FILIP1L: variants seen among roughly 807,000 people sequenced by gnomAD.
The protein encoded by FILIP1L is filamin A interacting protein 1 like.
FILIP1L carries 55 observed loss-of-function variants against 96.6 expected under a neutral mutation model. The observed-to-expected ratio is 0.57, with a 90% CI of 0.46 to 0.71. FILIP1L has a LOEUF of 0.71. FILIP1L is among the 30% of genes least tolerant of loss of function. The pLI, the probability that FILIP1L is intolerant of heterozygous loss-of-function variation, is 0.00. For missense variants in FILIP1L, 1,304 were observed against 1,321.2 expected, an observed-to-expected ratio of 0.99 and a Z score of 0.20; for synonymous variants, 467 against 473.9, an observed-to-expected ratio of 0.99 and a Z score of 0.19.
intron 1 of FILIP1L, among the ~76,000 whole-genome samples, chr3:100,077,619 T>G (rs1047623357): frequency 6.6e-6 from 1 of 152,006 alleles, no homozygotes; most frequent in Non-Finnish European, 1.5e-5. Context: ...TGAGATAAAT[T>G]CAGTAAAAAT....
intron 4 of FILIP1L, among the ~76,000 whole-genome samples, chr3:99,903,390 T>C (rs2107629691): frequency 6.6e-6 from 1 of 152,192 alleles, no homozygotes; most frequent in Non-Finnish European, 1.5e-5. Context: ...TAGCTGGGAT[T>C]ACAGGCGCCT....
chr3:99,917,448 T>C (rs1269067224), intron 4 of FILIP1L, among the ~76,000 whole-genome samples: 1 of 152,182 alleles, frequency 6.6e-6, no homozygotes, highest in African/African-American at 2.4e-5. Context: ...AAATATATTG[T>C]CAGGAGAGCT....
intron 1 of FILIP1L, among the ~76,000 whole-genome samples, chr3:99,995,754 C>T (rs868862822): frequency 3.9e-4 from 59 of 152,360 alleles, no homozygotes; most frequent in African/African-American, 1.3e-3. Flanking sequence ...GCTGCCAAGG[C>T]TTGGGTCTTG....
chr3:100,056,900 AGGC>A, intron 1 of FILIP1L, among the ~76,000 whole-genome samples: 1 of 152,204 alleles, frequency 6.6e-6, no homozygotes, highest in South Asian at 2.1e-4. Flanking sequence ...GCTACTCGGG[AGGC>A]TGAGGCAGGA....
At chr3:99,876,402 G>T (rs1323283807) in intron 4 of FILIP1L, among the ~76,000 whole-genome samples, 1 of 144,348 alleles carries the variant, frequency 6.9e-6, no homozygotes, top group African/African-American at 2.6e-5. Context: ...GGTGGGCCGG[G>T]GCGCCGGCGC....
chr3:99,855,760 A>G (rs1027009070), intron 4 of FILIP1L, among the ~76,000 whole-genome samples: 2 of 152,224 alleles, frequency 1.3e-5, no homozygotes, highest in African/African-American at 2.4e-5. Context: ...TATATCTGCC[A>G]AAAGAATGTT....
intron 1 of FILIP1L, among the ~76,000 whole-genome samples, chr3:99,980,027 G>A (rs1709075807): frequency 6.6e-6 from 1 of 151,868 alleles, no homozygotes; most frequent in Non-Finnish European, 1.5e-5. Flanking sequence ...AGCAGCACTG[G>A]GGGGAAAGAA....
intron 1 of FILIP1L, among the ~76,000 whole-genome samples, chr3:99,955,127 A>AAAAAC: frequency 6.6e-6 from 1 of 152,224 alleles, no homozygotes; most frequent in South Asian, 2.1e-4. Context: ...AAGTGGTTTC[A>AAAAAC]AGGCCCCTTT....
chr3:99,946,063 G>A (rs919802912), intron 1 of FILIP1L, among the ~76,000 whole-genome samples: 11 of 152,184 alleles, frequency 7.2e-5, no homozygotes, highest in African/African-American at 2.7e-4. Context: ...TGAAATTATG[G>A]TCTTGGTTCA....
At chr3:99,932,323 C>G (rs1707508417) in intron 1 of FILIP1L, among the ~76,000 whole-genome samples, 1 of 151,892 alleles carries the variant, frequency 6.6e-6, no homozygotes. Context: ...TATGTAAATA[C>G]CATATTGAAT....
intron 1 of FILIP1L, among the ~76,000 whole-genome samples, chr3:99,994,552 A>G (rs1432605450): frequency 1.3e-5 from 2 of 152,234 alleles, no homozygotes; most frequent in Non-Finnish European, 2.9e-5. Context: ...AACACAATGG[A>G]AAAAGGCTAG....
intron 1 of FILIP1L, among the ~76,000 whole-genome samples, chr3:100,019,862 G>A (rs1196344395): frequency 6.6e-6 from 1 of 152,038 alleles, no homozygotes; most frequent in Admixed American, 6.6e-5. Flanking sequence ...GGCATGTATG[G>A]AAGAGAATTC....
At chr3:99,880,300 A>G (rs1302134065) in intron 4 of FILIP1L, among the ~76,000 whole-genome samples, 1 of 152,170 alleles carries the variant, frequency 6.6e-6, no homozygotes, top group Non-Finnish European at 1.5e-5. Flanking sequence ...ACCCACATGA[A>G]ATATACCATA....
chr3:100,014,461 C>G (rs563004531), intron 1 of FILIP1L, among the ~76,000 whole-genome samples: 5 of 152,256 alleles, frequency 3.3e-5, no homozygotes, highest in African/African-American at 1.2e-4. Context: ...TTCCCACCAA[C>G]AGTGTATAAG....
In FILIP1L at chr3:99,883,182, T is replaced by G. The variant is rs994895245; in HGVS notation, c.606-32112A>C. 1.3e-5 allele frequency among the ~76,000 whole-genome samples: 2 copies of G among 152,228 alleles called. 1 individual carries two copies. Among genetic ancestry groups the G allele is most frequent in the East Asian group, 3.8e-4 (2 of 5,206 alleles). On this transcript the variant is annotated intron_variant, in intron 4 of 5. Transcript: ENST00000477258. ...AAGAATTGGTACATGCACAGTCTAGTTGTTATTAATCAGTGCCGAACAGCT... is the reference window on the plus strand; with the variant it reads ...AAGAATTGGTACATGCACAGTCTAGGTGTTATTAATCAGTGCCGAACAGCT...
At chr3:100,026,578 A>G (rs559334560) in intron 1 of FILIP1L, among the ~76,000 whole-genome samples, 1 of 151,778 alleles carries the variant, frequency 6.6e-6, no homozygotes, top group African/African-American at 2.4e-5. Context: ...AATGTTGGCA[A>G]CTCTTTTCTT....
intron 1 of FILIP1L, among the ~76,000 whole-genome samples, chr3:100,086,109 A>T (rs758337765): frequency 1.3e-5 from 2 of 152,236 alleles, no homozygotes; most frequent in Non-Finnish European, 2.9e-5. Flanking sequence ...TTAATGAAAT[A>T]AACATGTATC....
chr3:99,968,853 G>A (rs1238332458), intron 1 of FILIP1L, among the ~76,000 whole-genome samples: 1 of 152,140 alleles, frequency 6.6e-6, no homozygotes, highest in African/African-American at 2.4e-5. Context: ...AAAGTAAATG[G>A]GTAGGGTAAG....
intron 4 of FILIP1L, among the ~76,000 whole-genome samples, chr3:99,897,749 C>G (rs1238366991): frequency 1.3e-5 from 2 of 152,164 alleles, no homozygotes; most frequent in Non-Finnish European, 2.9e-5. Flanking sequence ...CATATTTTAC[C>G]TTGACCAGAT....
Sources: gnomAD v4.1 joint callset for allele counts (sites outside exome capture counted in the v4.1 genomes callset) on GRCh38, gnomAD v4.1.1 for gene constraint, MANE v1.5 for transcripts, NCBI Gene and HGNC (gene_info 2026-07-23, HGNC 2026-07-21) for gene names.